JADE2: variants seen among roughly 807,000 people sequenced by gnomAD.
JADE2 encodes jade family PHD finger 2, also known as E3 ubiquitin-protein ligase Jade-2.
A neutral mutation model predicts 85.7 loss-of-function variants in JADE2; 13 were observed. The observed-to-expected ratio is 0.15, with a 90% CI of 0.10 to 0.24. JADE2 has a LOEUF of 0.24. JADE2 is among the 10% of genes least tolerant of loss of function. The pLI, the probability that JADE2 is intolerant of heterozygous loss-of-function variation, is 1.00. For missense variants in JADE2, 846 were observed against 1,115.9 expected (o/e 0.76, Z 3.45); for synonymous variants, 440 against 456.1 (o/e 0.96, Z 0.45).
At chr5:134,551,400 TA>T (rs1405436363) in intron 3 of JADE2, among the ~76,000 whole-genome samples, 2 of 152,216 alleles carry the variant, frequency 1.3e-5, no homozygotes, top group East Asian at 3.9e-4. Context: ...AGCTACTTTT[TA>T]AATTTTTTGT....
chr5:134,565,442 C>A (rs1581463757), intron 8 of JADE2, among the ~76,000 whole-genome samples: 2 of 152,278 alleles, frequency 1.3e-5, no homozygotes, highest in East Asian at 3.9e-4. Context: ...AGCCCCTCTT[C>A]CCAGAGGACA....
At position 134,579,549 on chromosome 5, in the gene JADE2, C is replaced by T. The variant is rs1175883827; in HGVS notation, c.*232C>T. On this transcript the variant is annotated 3_prime_UTR_variant, in exon 12 of 12. Coordinates refer to ENST00000681547, the MANE Select transcript of JADE2 (RefSeq NM_001388185.1). The surrounding 1 kb of genome is among the most constrained non-coding windows in gnomAD (Gnocchi z 4.6). ...ACGGCTCCGGCCGCTAGGACCCTGC[C>T]AGGTCCCGCGCACCATCCCTGCCCT... is the stretch of plus-strand genomic sequence containing the variant. 1 of 535,436 alleles carries T rather than the reference C, an allele frequency of 1.9e-6. No homozygotes were observed. Among genetic ancestry groups the T allele is most frequent in the African/African-American group, 1.9e-5 (1 of 53,214 alleles). 33.2% of individuals were successfully genotyped at this position (535,436 alleles called of 1,614,324 possible).
chr5:134,545,290 TGGAAG>T, intron 3 of JADE2, among the ~76,000 whole-genome samples: 1 of 152,334 alleles, frequency 6.6e-6, no homozygotes, highest in East Asian at 1.9e-4. Flanking sequence ...CTCCGCCAGC[TGGAAG>T]GGCCTCCTGG....
At position 134,552,059 on chromosome 5, in the gene JADE2, G is replaced by A; in HGVS notation, c.161G>A (p.Arg54Gln). The A allele has an allele frequency of 6.2e-7, 1 of 1,614,124 alleles. No homozygotes were observed. The highest frequency in any genetic ancestry group is 2.2e-5 in the East Asian group (1 of 44,884). The change falls in exon 4 of 12, where the codon CGG becomes CAG. Residue 54 changes from arginine to glutamine, a missense_variant. Physicochemically the swap from Arg to Gln is conservative, Grantham distance 43. Coordinates refer to ENST00000681547, the MANE Select transcript of JADE2 (RefSeq NM_001388185.1). The part of the protein sequence containing the change: ...QNEKKPSEVF[R>Q]TDLITAMKIP... ...CCCTCTTGCCCCTCACAGGTTTTCC[G>A]GACAGACTTGATCACAGCCATGAAG...
At chr5:134,573,569 T>C in intron 9 of JADE2, 76 bp from the exon 10 acceptor site, 1 of 1,006,520 alleles carries the variant, frequency 9.9e-7, no homozygotes, top group South Asian at 1.3e-5. Context: ...CCTCCACCCA[T>C]AGCAAGGTCC....
chr5:134,576,668 G>C (rs904114799), intron 10 of JADE2, 100 bp from the exon 11 acceptor site: 2 of 1,405,908 alleles, frequency 1.4e-6, no homozygotes, highest in African/African-American at 1.4e-5. Context: ...GTGAGCACTG[G>C]CTGATGGAGG....
At position 134,562,255 on chromosome 5, in the gene JADE2, C is replaced by T; in HGVS notation, c.740C>T (p.Ala247Val). 6.2e-7 allele frequency: 1 copy of T among 1,614,016 alleles called. No homozygotes were observed. The highest frequency in any genetic ancestry group is 8.5e-7 in the Non-Finnish European group (1 of 1,179,970). Residue 247 changes from alanine to valine, a missense_variant, in exon 7 of 12, where the codon GCC becomes GTC. By Grantham distance (64) the Ala-to-Val change is moderately conservative (BLOSUM62 0). This residue lies in a region of JADE2 where 129 missense variants were observed against 255.4 expected (regional missense o/e 0.51). Coordinates refer to ENST00000681547, the MANE Select transcript of JADE2 (RefSeq NM_001388185.1). This position sits in a 1 kb window ranked among gnomAD's most constrained non-coding sequence, Gnocchi z 4.6. Reference protein sequence around the residue: ...PTGSWLCRTCALGVQPKCLLC... With the variant: ...PTGSWLCRTCVLGVQPKCLLC... ...GGCAGCTGGCTGTGCCGGACGTGTG[C>T]CCTGGGTGTCCAGCCAAAGTGCCTG...
At position 134,579,231 on chromosome 5, in the gene JADE2, G is replaced by A. The variant is rs370546503; in HGVS notation, c.2419G>A (p.Val807Ile). The A allele has an allele frequency of 1.2e-5, 19 of 1,614,020 alleles. No individual in the cohort carries two copies. In the South Asian group the frequency reaches 1.5e-4, roughly 13 times the overall value. ...FSDGEMSDSD[V>I]EAEDGGVQRG... ...TGATGGGGAGATGAGCGACTCAGAT[G>A]TAGAGGCCGAGGACGGTGGGGTGCA... Residue 807 changes from valine to isoleucine, a missense_variant, in exon 12 of 12, where the codon GTA (valine) becomes ATA (isoleucine). Transcript: ENST00000681547. The surrounding 1 kb of genome is among the most constrained non-coding windows in gnomAD (Gnocchi z 4.6).
chr5:134,564,414 C>T (rs930406169), intron 7 of JADE2, 80 bp from the exon 8 acceptor site: 1 of 914,722 alleles, frequency 1.1e-6, no homozygotes, highest in Non-Finnish European at 1.6e-6. Context: ...CTAGTTTCAG[C>T]AGACAAACCC....
At chr5:134,540,405 T>A (rs1475700157) in intron 3 of JADE2, among the ~76,000 whole-genome samples, 11 of 151,506 alleles carry the variant, frequency 7.3e-5, no homozygotes, top group Non-Finnish European at 4.4e-5. Context: ...TTGTCTTTTT[T>A]TTTTTTTCAG....
chr5:134,558,417 T>G (rs1304973842), intron 4 of JADE2, among the ~76,000 whole-genome samples: 1 of 149,692 alleles, frequency 6.7e-6, no homozygotes, highest in Non-Finnish European at 1.5e-5. Context: ...TGGCTTTTGT[T>G]GCCATTGCTT....
intron 1 of JADE2, 93 bp downstream of exon 1, chr5:134,526,104 CGCTCTCTCTT>C (rs1760792350): frequency 1.0e-6 from 1 of 984,892 alleles, no homozygotes; most frequent in African/African-American, 1.7e-5. Flanking sequence ...TTCGCTCCCT[CGCTCTCTCTT>C]GCTCGCTCGC....
At chr5:134,542,433 A>G (rs1440742800) in intron 3 of JADE2, among the ~76,000 whole-genome samples, 1 of 123,046 alleles carries the variant, frequency 8.1e-6, no homozygotes, top group Non-Finnish European at 1.7e-5. Context: ...AGGTACCTAT[A>G]CCTTTTTTTT....
At chr5:134,551,660 G>T (rs955267675) in intron 3 of JADE2, among the ~76,000 whole-genome samples, 4 of 152,052 alleles carry the variant, frequency 2.6e-5, no homozygotes, top group African/African-American at 9.7e-5. Context: ...TTACAGGCAT[G>T]AGCCACCATG....
intron 3 of JADE2, among the ~76,000 whole-genome samples, chr5:134,541,176 A>T (rs549409560): frequency 3.9e-4 from 59 of 152,242 alleles, no homozygotes; most frequent in Non-Finnish European, 8.1e-4. Flanking sequence ...CCCGCCCAGA[A>T]CCCTTGAACT....
At chr5:134,568,666 C>T (rs1264354068) in intron 9 of JADE2, among the ~76,000 whole-genome samples, 2 of 152,244 alleles carry the variant, frequency 1.3e-5, no homozygotes, top group African/African-American at 4.8e-5. Context: ...CTGGCGGGCA[C>T]CAGCTTCAAT....
At chr5:134,543,207 G>A (rs1762081642) in intron 3 of JADE2, among the ~76,000 whole-genome samples, 1 of 151,618 alleles carries the variant, frequency 6.6e-6, no homozygotes, top group Admixed American at 6.6e-5. Context: ...GCTGATTTTT[G>A]TATTTTTAGT....
chr5:134,562,345 G>C lies in JADE2; in HGVS notation c.830G>C (p.Ser277Thr). The C allele has an allele frequency of 1.9e-6, 3 of 1,613,430 alleles. No homozygotes were observed. Among genetic ancestry groups the C allele is most frequent in the Non-Finnish European group, 1.7e-6 (2 of 1,179,512 alleles). Reference protein sequence around the residue: ...TRSGTKWVHVSCALWIPEVSI... With the variant: ...TRSGTKWVHVTCALWIPEVSI... ...AGTGGGACCAAGTGGGTGCATGTCA[G>C]CTGTGCCCTATGGATTCCTGAGGTG... The change falls in exon 7 of 12, where the codon AGC (serine) becomes ACC (threonine). Residue 277 changes from serine (S) to threonine (T), a missense_variant. Ser to Thr is a moderately conservative substitution (Grantham distance 58). Transcript: ENST00000681547. This position sits in a 1 kb window ranked among gnomAD's most constrained non-coding sequence, Gnocchi z 4.6.
chr5:134,537,026 C>G (rs1761633857), intron 2 of JADE2, among the ~76,000 whole-genome samples: 2 of 152,232 alleles, frequency 1.3e-5, no homozygotes, highest in Non-Finnish European at 2.9e-5. Flanking sequence ...CCCACCTGGC[C>G]AGCCCTTCTT....
Sources: gnomAD v4.1 joint callset for allele counts (sites outside exome capture counted in the v4.1 genomes callset) on GRCh38, gnomAD v4.1.1 for gene constraint, gnomAD v4.1.1 regional missense constraint, Gnocchi (gnomAD v3.1) non-coding constraint, MANE v1.5 for transcripts, NCBI Gene and HGNC (gene_info 2026-07-23, HGNC 2026-07-21) for gene names.